Variants in OR5H15 observed in about 807,000 individuals in gnomAD.
The protein encoded by OR5H15 is olfactory receptor family 5 subfamily H member 15.
For missense variants in OR5H15, 405 were observed against 366.1 expected (o/e 1.11, Z -0.87); for synonymous variants, 153 against 129.1 (o/e 1.19, Z -1.26).
Position 98,169,088 on chromosome 3 carries a change from T to C in OR5H15, c.389T>C (p.Leu130Ser). Residue 130 changes from leucine to serine, a missense_variant, in exon 2 of 2, where the codon TTA becomes TCA. Leu to Ser is a moderately radical substitution (Grantham distance 145, BLOSUM62 -2). Coordinates refer to ENST00000641450, the MANE Select transcript of OR5H15 (RefSeq NM_001005515.2). ...YDRYVAICKP[L>S]LYPAIMTNGL... ...CGCTATGTAGCCATATGCAAACCTT[T>C]ACTTTATCCAGCCATTATGACCAAT... 6 of 1,613,562 alleles carry C rather than the reference T, an allele frequency of 3.7e-6. No homozygotes were observed. The highest frequency in any genetic ancestry group is 5.1e-6 in the Non-Finnish European group (6 of 1,179,638).
At position 98,169,663 on chromosome 3, in the gene OR5H15, A is replaced by G. The variant is rs1446705898; in HGVS notation, c.*22A>G. On this transcript the variant is annotated 3_prime_UTR_variant, in exon 2 of 2. Coordinates refer to ENST00000641450, the MANE Select transcript of OR5H15 (RefSeq NM_001005515.2). ...CTAATATCCTTTTTCTATTTACTAA[A>G]ATAGTCACAAAATTACGCAAGTTAG... 2.0e-6 allele frequency: 3 copies of G among 1,523,640 alleles called. No individual in the cohort carries two copies. The East Asian group carries it at 6.9e-5, about 35-fold the overall frequency. The allele number at this position is 1,523,640 out of a possible 1,614,324, so 94.4% of individuals were successfully genotyped here.
In OR5H15 at chr3:98,168,935, C is replaced by T. The variant is rs768158699; in HGVS notation, c.236C>T (p.Pro79Leu). Residue 79 changes from proline to leucine, a missense_variant, in exon 2 of 2, where the codon CCA becomes CTA. Coordinates refer to ENST00000641450, the MANE Select transcript of OR5H15 (RefSeq NM_001005515.2). Reference sequence around the variant, plus strand: ...GCTTGGATATCATCCACAGTGACCCCAAAGATGCTGAATAACTTCTTAGCT... The same window carrying T: ...GCTTGGATATCATCCACAGTGACCCTAAAGATGCTGAATAACTTCTTAGCT... ...VDAWISSTVT[P>L]KMLNNFLAKS... The T allele has an allele frequency of 1.9e-5, 30 of 1,613,358 alleles. No homozygotes were observed. The highest frequency in any genetic ancestry group is 1.8e-4 in the East Asian group (8 of 44,826).
At position 98,169,395 on chromosome 3, in the gene OR5H15, G is replaced by T. The variant is rs138282085; in HGVS notation, c.696G>T (p.Lys232Asn). Residue 232 changes from lysine to asparagine, a missense_variant, in exon 2 of 2, where the codon AAG (lysine) becomes AAT (asparagine). Transcript: ENST00000641450. ...CAGTCTTAGAAAAGAAATCTGATAA[G>T]GGTGTAAGGAAAGCCTTTTCCACCT... ...LFTVLEKKSD[K>N]GVRKAFSTCG... 6.2e-7 allele frequency: 1 copy of T among 1,613,270 alleles called. No individual in the cohort carries two copies. Among genetic ancestry groups the T allele is most frequent in the East Asian group, 2.2e-5 (1 of 44,790 alleles).
chr3:98,168,583 G>A, intron 1 of OR5H15, 99 bp from the exon 2 acceptor site: 1 of 1,332,674 alleles, frequency 7.5e-7, no homozygotes, highest in Non-Finnish European at 1.0e-6. Flanking sequence ...AATTGAGAGG[G>A]TTCTGATCAT....
Position 98,168,748 on chromosome 3 carries a change from T to C in OR5H15, c.49T>C (p.Phe17Leu), listed in dbSNP as rs752173661. The C allele has an allele frequency of 5.6e-6, 9 of 1,613,396 alleles. No homozygotes were observed. Among genetic ancestry groups the C allele is most frequent in the East Asian group, 2.2e-5 (1 of 44,854 alleles). ...GCTGACAGAGTTTGTTCTCACAGGATTTTTATATCAACCACAGTGGAAAAT... is the reference window on the plus strand; with the variant it reads ...GCTGACAGAGTTTGTTCTCACAGGACTTTTATATCAACCACAGTGGAAAAT... ...TLLTEFVLTG[F>L]LYQPQWKIPL... The change falls in exon 2 of 2, where the codon TTT (phenylalanine) becomes CTT (leucine). Residue 17 changes from phenylalanine to leucine, a missense_variant. Coordinates refer to ENST00000641450, the MANE Select transcript of OR5H15 (RefSeq NM_001005515.2).
chr3:98,167,361 T>C (rs1559812760), intron 1 of OR5H15, among the ~76,000 whole-genome samples: 1 of 145,968 alleles, frequency 6.9e-6, no homozygotes, highest in Non-Finnish European at 1.5e-5. Flanking sequence ...AAAACCAAAA[T>C]CTTTTGTCCC....
At chr3:98,168,655 C>T in intron 1 of OR5H15, 27 bp from the exon 2 acceptor site, 1 of 1,589,410 alleles carries the variant, frequency 6.3e-7, no homozygotes, top group South Asian at 1.1e-5. Flanking sequence ...GCAAATCTTC[C>T]CTTTCATTTG....
At position 98,169,637 on chromosome 3, in the gene OR5H15, A is replaced by G. The variant is rs759866031; in HGVS notation, c.938A>G (p.Tyr313Cys). The G allele has an allele frequency of 6.4e-7, 1 of 1,572,404 alleles. No individual in the cohort carries two copies. Among genetic ancestry groups the G allele is most frequent in the South Asian group, 1.1e-5 (1 of 88,544 alleles). Residue 313 changes from tyrosine (Y) to cysteine (C), a missense_variant, in exon 2 of 2, where the codon TAC becomes TGC. Physicochemically the swap from Tyr to Cys is radical, Grantham distance 194. Transcript: ENST00000641450. ...KMLKRNVKVS[Y>C] ...TTAAAAAGAAATGTTAAGGTTTCATACTAATATCCTTTTTCTATTTACTAA... is the reference window on the plus strand; with the variant it reads ...TTAAAAAGAAATGTTAAGGTTTCATGCTAATATCCTTTTTCTATTTACTAA...
rs1409584122 is a variant in OR5H15 at position 98,169,028 on chromosome 3, C to T, written c.329C>T (p.Thr110Ile). The change falls in exon 2 of 2, where the codon ACA (threonine) becomes ATA (isoleucine). Residue 110 changes from threonine to isoleucine, a missense_variant. Physicochemically the swap from Thr to Ile is moderately conservative, Grantham distance 89. Transcript: ENST00000641450. ...TTTTCCATTGCAATTGGCGTAACCA[C>T]AGAATGTTTTCTCTTGGCAACAATG... ...QFFSIAIGVT[T>I]ECFLLATMAY... The T allele has an allele frequency of 1.9e-6, 3 of 1,613,662 alleles. No individual in the cohort carries two copies. Among genetic ancestry groups the T allele is most frequent in the Non-Finnish European group, 1.7e-6 (2 of 1,179,674 alleles).
Position 98,169,380 on chromosome 3 carries a change from A to C in OR5H15, c.681A>C (p.Glu227Asp), listed in dbSNP as rs1708773562. 6.2e-7 allele frequency: 1 copy of C among 1,613,354 alleles called. No homozygotes were observed. Among genetic ancestry groups the C allele is most frequent in the Non-Finnish European group, 8.5e-7 (1 of 1,179,666 alleles). The change falls in exon 2 of 2, where the codon GAA (glutamate) becomes GAC (aspartate). Residue 227 changes from glutamate to aspartate, a missense_variant. Transcript: ENST00000641450. ...SYTFVLFTVL[E>D]KKSDKGVRKA... ...CATTTGTTCTCTTCACAGTCTTAGA[A>C]AAGAAATCTGATAAGGGTGTAAGGA...
In OR5H15 at chr3:98,168,294, C is replaced by G. The variant is rs184155080; in HGVS notation, c.-18-388C>G. Among the ~76,000 whole-genome samples, 226 of 152,050 alleles carry G rather than the reference C, an allele frequency of 1.5e-3. 1 individual carries two copies. The highest frequency in any genetic ancestry group is 5.1e-3 in the African/African-American group (213 of 41,508). On this transcript the variant is annotated intron_variant, in intron 1 of 1. Transcript: ENST00000641450. ...CTTAAAATTTTTGGTACATGCTTAA[C>G]GTATAAAGAATAAAGCTTAAGATTC...
Position 98,169,465 on chromosome 3 carries a change from C to T in OR5H15, c.766C>T (p.Leu256Phe), listed in dbSNP as rs746882832. The T allele has an allele frequency of 1.9e-6, 3 of 1,613,036 alleles. No homozygotes were observed. Among genetic ancestry groups the T allele is most frequent in the African/African-American group, 2.7e-5 (2 of 74,490 alleles). ...FSVCLYYGPLLLMYVGPASPQ... is the reference protein window; with the variant it reads ...FSVCLYYGPLFLMYVGPASPQ... ...TGTCTGTTTATACTATGGCCCCCTTCTCTTAATGTATGTGGGCCCTGCATC... is the reference window on the plus strand; with the variant it reads ...TGTCTGTTTATACTATGGCCCCCTTTTCTTAATGTATGTGGGCCCTGCATC... Residue 256 changes from leucine to phenylalanine, a missense_variant, in exon 2 of 2, where the codon CTC becomes TTC. By Grantham distance (22) the Leu-to-Phe change is conservative (BLOSUM62 0). Coordinates refer to ENST00000641450, the MANE Select transcript of OR5H15 (RefSeq NM_001005515.2).
chr3:98,169,273 T>C lies in OR5H15; in HGVS notation c.574T>C (p.Ser192Pro), dbSNP rs1167154050. Reference protein sequence around the residue: ...IPLSKISCTDSSINFLMVFIF... With the variant: ...IPLSKISCTDPSINFLMVFIF... ...ATTGTCTAAGATTTCTTGTACTGATTCTTCTATTAATTTTCTAATGGTTTT... is the reference window on the plus strand; with the variant it reads ...ATTGTCTAAGATTTCTTGTACTGATCCTTCTATTAATTTTCTAATGGTTTT... The change falls in exon 2 of 2, where the codon TCT becomes CCT. Residue 192 changes from serine to proline, a missense_variant. Coordinates refer to ENST00000641450, the MANE Select transcript of OR5H15 (RefSeq NM_001005515.2). 32 of 1,609,882 alleles carry C rather than the reference T, an allele frequency of 2.0e-5. No homozygotes were observed. Among genetic ancestry groups the C allele is most frequent in the African/African-American group, 2.7e-5 (2 of 74,702 alleles).
rs747379295 is a variant in OR5H15, at chr3:98,168,662, T to C, written c.-18-20T>C. The C allele has an allele frequency of 6.3e-7, 1 of 1,595,574 alleles. No homozygotes were observed. The highest frequency in any genetic ancestry group is 1.1e-5 in the South Asian group (1 of 88,976). ...ATGTCATTGCAAATCTTCCCTTTCA[T>C]TTGTTGCATTTTATTTTAGAGGACA... On this transcript the variant is annotated intron_variant, in intron 1 of 1. Coordinates refer to ENST00000641450, the MANE Select transcript of OR5H15 (RefSeq NM_001005515.2).
chr3:98,169,294 G>T lies in OR5H15; in HGVS notation c.595G>T (p.Val199Phe), dbSNP rs1381859424. Reference sequence around the variant, plus strand: ...TGATTCTTCTATTAATTTTCTAATGGTTTTTATTTTCTCAGGTTCAATTCA... The same window carrying T: ...TGATTCTTCTATTAATTTTCTAATGTTTTTTATTTTCTCAGGTTCAATTCA... The part of the protein sequence containing the change: ...CTDSSINFLM[V>F]FIFSGSIQVF... Residue 199 changes from valine (V) to phenylalanine (F), a missense_variant, in exon 2 of 2, where the codon GTT becomes TTT. Val to Phe is a conservative substitution (Grantham distance 50, BLOSUM62 -1). Coordinates refer to ENST00000641450, the MANE Select transcript of OR5H15 (RefSeq NM_001005515.2). 2 of 1,610,340 alleles carry T rather than the reference G, an allele frequency of 1.2e-6. No individual in the cohort carries two copies. Among genetic ancestry groups the T allele is most frequent in the Non-Finnish European group, 1.7e-6 (2 of 1,177,682 alleles).
rs138282085 is a variant in OR5H15, at chr3:98,169,395, G to A, written c.696G>A (p.Lys232=). 2.1e-3 allele frequency: 3,364 copies of A among 1,613,258 alleles called. 51 individuals carry two copies. In the African/African-American group the frequency reaches 0.032, roughly 15 times the overall value. Residue 232 remains lysine (K), a synonymous_variant, in exon 2 of 2, where the codon AAG becomes AAA. Coordinates refer to ENST00000641450, the MANE Select transcript of OR5H15 (RefSeq NM_001005515.2). Reference sequence around the variant, plus strand: ...CAGTCTTAGAAAAGAAATCTGATAAGGGTGTAAGGAAAGCCTTTTCCACCT... The same window carrying A: ...CAGTCTTAGAAAAGAAATCTGATAAAGGTGTAAGGAAAGCCTTTTCCACCT... ...LFTVLEKKSD[K]GVRKAFSTCG...
rs1708780975 is a variant in OR5H15, at chr3:98,169,684, G to C, written c.*43G>C. 1.4e-6 allele frequency: 2 copies of C among 1,392,102 alleles called. No individual in the cohort carries two copies. Among genetic ancestry groups the C allele is most frequent in the Non-Finnish European group, 2.0e-6 (2 of 998,148 alleles). The allele number at this position is 1,392,102 out of a possible 1,614,324, so 86.2% of individuals were successfully genotyped here. On this transcript the variant is annotated 3_prime_UTR_variant, in exon 2 of 2. Transcript: ENST00000641450. The stretch of plus-strand genomic sequence containing the variant: ...CTAAAATAGTCACAAAATTACGCAA[G>C]TTAGAGGTACCTATGTTGTTTCCAG...
Position 98,168,778 on chromosome 3 carries a change from C to G in OR5H15, c.79C>G (p.Leu27Val). 6.2e-7 allele frequency: 1 copy of G among 1,613,518 alleles called. No individual in the cohort carries two copies. The highest frequency in any genetic ancestry group is 8.5e-7 in the Non-Finnish European group (1 of 1,179,554). Residue 27 changes from leucine (L) to valine (V), a missense_variant, in exon 2 of 2, where the codon CTG (leucine) becomes GTG (valine). Transcript: ENST00000641450. Reference sequence around the variant, plus strand: ...ATATCAACCACAGTGGAAAATACCCCTGTTCTTGGCATTCTTGGTAATATA... The same window carrying G: ...ATATCAACCACAGTGGAAAATACCCGTGTTCTTGGCATTCTTGGTAATATA... ...FLYQPQWKIPLFLAFLVIYLI... is the reference protein window; with the variant it reads ...FLYQPQWKIPVFLAFLVIYLI...
chr3:98,169,198 A>T lies in OR5H15; in HGVS notation c.499A>T (p.Thr167Ser), dbSNP rs4133322. 0.55 allele frequency: 889,800 copies of T among 1,611,406 alleles called. 246,598 individuals carry two copies. Among genetic ancestry groups the T allele is most frequent in the African/African-American group, 0.62 (46,644 of 74,808 alleles). Residue 167 changes from threonine to serine, a missense_variant, in exon 2 of 2, where the codon ACC becomes TCC. By Grantham distance (58) the Thr-to-Ser change is moderately conservative (BLOSUM62 1). Coordinates refer to ENST00000641450, the MANE Select transcript of OR5H15 (RefSeq NM_001005515.2). ...LIHEGFLFRL[T>S]FCNSNIVHHI... ...CCATGAAGGATTTTTATTCAGACTAACCTTCTGTAACTCCAACATAGTACA... is the reference window on the plus strand; with the variant it reads ...CCATGAAGGATTTTTATTCAGACTATCCTTCTGTAACTCCAACATAGTACA...
Sources: gnomAD v4.1 joint callset for allele counts (sites outside exome capture counted in the v4.1 genomes callset) on GRCh38, gnomAD v4.1.1 for gene constraint, MANE v1.5 for transcripts, NCBI Gene and HGNC (gene_info 2026-07-23, HGNC 2026-07-21) for gene names.